The following QTGAL variants were observed in gnomAD, a reference collection of about 807,000 sequenced individuals.
The protein encoded by QTGAL is BGnT-like protein 1.
chr17:82,944,613 TGTG>T, the QTGAL span: 1 of 152,128 alleles, frequency 6.6e-6, no homozygotes, highest in Non-Finnish European at 1.5e-5. Flanking sequence ...AGAGAATGCT[TGTG>T]GTCCCAGAAG....
At chr17:82,962,150 C>T in the QTGAL span, among the ~76,000 whole-genome samples, 2 of 152,170 alleles carry the variant, frequency 1.3e-5, no homozygotes. Context: ...TTGGCTGGTA[C>T]ACAAACTTCA....
At chr17:82,984,371 G>GCCACAGGAGGATGCAGGGAGAGA in the QTGAL span, among the ~76,000 whole-genome samples, 7 of 22,650 alleles carry the variant, frequency 3.1e-4, no homozygotes, top group Admixed American at 8.5e-4. Context: ...GCAGGGAGAG[G>GCCACAGGAGGATGCAGGGAGAGA]CCACGTGATT....
chr17:83,006,990 G>T, the QTGAL span: 2 of 394,842 alleles, frequency 5.1e-6, no homozygotes, highest in Non-Finnish European at 3.4e-6. This position sits in a 1 kb window ranked among gnomAD's most constrained non-coding sequence, Gnocchi z 5.8. Flanking sequence ...GCCAGCACTG[G>T]GTGTCTCGGT....
At chr17:82,970,592 G>C in the QTGAL span, among the ~76,000 whole-genome samples, 8,072 of 58,430 alleles carry the variant, frequency 0.14, 819 homozygotes, top group African/African-American at 0.25. Context: ...CGCGACCTCC[G>C]CACCCGGCGT....
At chr17:83,039,850 C>T in the QTGAL span, among the ~76,000 whole-genome samples, 10 of 152,182 alleles carry the variant, frequency 6.6e-5, no homozygotes, top group African/African-American at 2.2e-4. Context: ...GAGCTGGGGC[C>T]AGGAGCTGCT....
At chr17:83,006,258 G>A in the QTGAL span, 1 of 985,588 alleles carries the variant, frequency 1.0e-6, no homozygotes, top group African/African-American at 1.7e-5. This position sits in a 1 kb window ranked among gnomAD's most constrained non-coding sequence, Gnocchi z 5.8. Context: ...GGCATCTGAG[G>A]CCCCTGGATC....
chr17:82,947,116 G>T, the QTGAL span: 33 of 697,652 alleles, frequency 4.7e-5, no homozygotes, highest in African/African-American at 4.0e-4. Flanking sequence ...TGCTAATAGC[G>T]GAGAGGCTGG....
the QTGAL span, chr17:83,006,108 A>G: frequency 3.0e-6 from 3 of 990,672 alleles, no homozygotes; most frequent in African/African-American, 5.2e-5. The surrounding 1 kb of genome is among the most constrained non-coding windows in gnomAD (Gnocchi z 5.8). Flanking sequence ...CACAGGCCCC[A>G]GGTCACAAGT....
the QTGAL span, among the ~76,000 whole-genome samples, chr17:82,995,779 A>G: frequency 6.6e-6 from 1 of 152,242 alleles, no homozygotes; most frequent in Non-Finnish European, 1.5e-5. Context: ...TAAAATATCT[A>G]GGAATTAACT....
the QTGAL span, among the ~76,000 whole-genome samples, chr17:82,966,615 C>T: frequency 2.8e-4 from 43 of 152,166 alleles, no homozygotes; most frequent in Middle Eastern, 3.4e-3. Context: ...TGAGAGATGG[C>T]GCTGGAACCA....
At chr17:82,986,867 C>T in the QTGAL span, among the ~76,000 whole-genome samples, 3 of 152,226 alleles carry the variant, frequency 2.0e-5, no homozygotes, top group Non-Finnish European at 4.4e-5. Context: ...TAGAGGTGGA[C>T]GTCCTGGCAC....
At chr17:82,970,653 C>A in the QTGAL span, among the ~76,000 whole-genome samples, 1,428 of 122,686 alleles carry the variant, frequency 0.012, 290 homozygotes, top group African/African-American at 0.058. Flanking sequence ...CCCGGTGTGG[C>A]CGCGACCTCC....
At chr17:82,955,496 C>T in the QTGAL span, among the ~76,000 whole-genome samples, 1 of 152,124 alleles carries the variant, frequency 6.6e-6, no homozygotes, top group Non-Finnish European at 1.5e-5. Flanking sequence ...AATCAAGAAA[C>T]AACAGATACT....
the QTGAL span, among the ~76,000 whole-genome samples, chr17:83,012,419 T>C: frequency 1.4e-4 from 22 of 152,354 alleles, 1 homozygote; most frequent in African/African-American, 5.0e-4. Context: ...TCCACTAAAA[T>C]GTCAACACTC....
the QTGAL span, among the ~76,000 whole-genome samples, chr17:83,020,581 A>C: frequency 6.6e-6 from 1 of 152,224 alleles, no homozygotes; most frequent in Non-Finnish European, 1.5e-5. Context: ...CCCTGGGGAC[A>C]CGATGGGGCC....
At chr17:83,024,452 G>A in the QTGAL span, among the ~76,000 whole-genome samples, 4 of 152,390 alleles carry the variant, frequency 2.6e-5, no homozygotes, top group East Asian at 1.9e-4. Context: ...AGGCGCGGAC[G>A]TGGCCAGCAG....
chr17:82,990,964 C>T, the QTGAL span, among the ~76,000 whole-genome samples: 1 of 152,180 alleles, frequency 6.6e-6, no homozygotes, highest in Non-Finnish European at 1.5e-5. Context: ...CTAAGACTTT[C>T]CAGCTTCCAG....
chr17:82,990,682 C>T, the QTGAL span, among the ~76,000 whole-genome samples: 9 of 152,326 alleles, frequency 5.9e-5, no homozygotes, highest in Middle Eastern at 3.4e-3. Context: ...TTCAGAATTA[C>T]AGCACTGGAG....
chr17:82,947,141 CAG>C, the QTGAL span: 5 of 594,478 alleles, frequency 8.4e-6, no homozygotes, highest in Admixed American at 1.3e-4. Flanking sequence ...AGACAAAGGC[CAG>C]AGAGGGCAGC....
Sources: allele counts gnomAD v4.1 joint callset (sites outside exome capture counted in the v4.1 genomes callset), GRCh38; gene constraint gnomAD v4.1.1; non-coding constraint Gnocchi (gnomAD v3.1); transcripts MANE v1.5; gene names NCBI Gene and HGNC (gene_info 2026-07-23, HGNC 2026-07-21).